The following LIPI variants were observed in gnomAD, a reference collection of about 807,000 sequenced individuals.
LIPI encodes the protein lipase I, also known as lipase member I.
In LIPI, 59 loss-of-function variants were observed where a neutral mutation model predicts 50.6. The ratio of observed to expected loss-of-function variants is 1.16; its 90% CI spans 0.94 to 1.45. The LOEUF (loss-of-function observed/expected upper bound fraction) is 1.45, where lower values mean the gene tolerates loss of function less well. Among genes scored for constraint, LIPI ranks in the 40% most tolerant of loss-of-function variants. LIPI has a pLI of 0.00. For synonymous variants in LIPI, 203 were observed against 178.2 expected (o/e 1.14, Z -1.11); for missense variants, 586 against 536.3 (o/e 1.09, Z -0.92).
chr21:14,181,104 C>T (rs2019254381), intron 4 of LIPI, among the ~76,000 whole-genome samples: 1 of 152,108 alleles, frequency 6.6e-6, no homozygotes, highest in African/African-American at 2.4e-5. Context: ...GTAGAATTCA[C>T]TAATTAATTC....
chr21:14,110,147 A>T lies in LIPI; in HGVS notation c.1296-1067T>A, dbSNP rs539459402. Among the ~76,000 whole-genome samples, 356 of 151,838 alleles carry T rather than the reference A, an allele frequency of 2.3e-3. 1 individual carries two copies. The highest frequency in any genetic ancestry group is 8.0e-3 in the African/African-American group (332 of 41,534). On this transcript the variant is annotated intron_variant, in intron 9 of 9. Transcript: ENST00000681601. ...ATAAAAAAGAAATATAGTAATAAAA[A>T]TTTTTTATGAATTCAAGTACAATCC...
intron 9 of LIPI, among the ~76,000 whole-genome samples, chr21:14,138,801 A>G (rs917875217): frequency 2.0e-5 from 3 of 152,130 alleles, no homozygotes; most frequent in African/African-American, 7.2e-5. Context: ...ATAGAAATAC[A>G]TACGTGCATT....
intron 4 of LIPI, among the ~76,000 whole-genome samples, chr21:14,178,963 G>A (rs531816755): frequency 6.6e-6 from 1 of 152,268 alleles, no homozygotes; most frequent in South Asian, 2.1e-4. Flanking sequence ...AGGCAACTCA[G>A]ATAACGAGAA....
At chr21:14,204,994 G>A (rs1459056472) in intron 1 of LIPI, among the ~76,000 whole-genome samples, 2 of 151,176 alleles carry the variant, frequency 1.3e-5, no homozygotes, top group Non-Finnish European at 3.0e-5. Context: ...TTCAATATAA[G>A]GTAGGAAAGG....
chr21:14,166,865 G>A (rs1280886558), intron 4 of LIPI, among the ~76,000 whole-genome samples: 1 of 152,202 alleles, frequency 6.6e-6, no homozygotes, highest in African/African-American at 2.4e-5. Flanking sequence ...GTGGGCGGAG[G>A]AAAGTGGGTG....
intron 3 of LIPI, among the ~76,000 whole-genome samples, chr21:14,183,598 A>G (rs1342087829): frequency 3.9e-5 from 6 of 152,224 alleles, no homozygotes; most frequent in Admixed American, 6.5e-5. Context: ...CTAATATCCA[A>G]AATCTACAAT....
chr21:14,201,682 ATC>A (rs753999480), intron 1 of LIPI, among the ~76,000 whole-genome samples: 3 of 152,304 alleles, frequency 2.0e-5, no homozygotes, highest in East Asian at 3.9e-4. Context: ...GATGGGACGT[ATC>A]TCAAAATAAT....
chr21:14,192,685 A>G (rs1300824257), intron 1 of LIPI, among the ~76,000 whole-genome samples: 1 of 152,214 alleles, frequency 6.6e-6, no homozygotes, highest in Admixed American at 6.5e-5. Flanking sequence ...GCAGGGCAGA[A>G]GGCAATGGAA....
chr21:14,120,359 G>A (rs183604764), intron 9 of LIPI, among the ~76,000 whole-genome samples: 6 of 152,234 alleles, frequency 3.9e-5, no homozygotes, highest in African/African-American at 1.4e-4. Context: ...GAAAGTCAGC[G>A]AATATCTATA....
At chr21:14,171,996 C>G (rs1386181653) in intron 4 of LIPI, among the ~76,000 whole-genome samples, 3 of 151,680 alleles carry the variant, frequency 2.0e-5, no homozygotes, top group Non-Finnish European at 4.4e-5. Flanking sequence ...CCAGAATCTA[C>G]AATGAACTCA....
At chr21:14,205,259 G>T (rs2020192805) in intron 1 of LIPI, among the ~76,000 whole-genome samples, 1 of 151,550 alleles carries the variant, frequency 6.6e-6, no homozygotes, top group African/African-American at 2.4e-5. Context: ...GAATATTTAG[G>T]ATTCAATTAA....
At chr21:14,121,961 C>T (rs763026695) in intron 9 of LIPI, among the ~76,000 whole-genome samples, 5 of 152,198 alleles carry the variant, frequency 3.3e-5, no homozygotes, top group Non-Finnish European at 5.9e-5. Flanking sequence ...CTACGCATGG[C>T]TGAAGCCTGA....
intron 1 of LIPI, among the ~76,000 whole-genome samples, chr21:14,191,035 C>A (rs8127749): frequency 6.6e-6 from 1 of 151,924 alleles, no homozygotes; most frequent in South Asian, 2.1e-4. Context: ...AAATATTTTT[C>A]ATTAGAATGC....
chr21:14,126,812 T>G (rs752971671), intron 9 of LIPI, among the ~76,000 whole-genome samples: 1 of 152,184 alleles, frequency 6.6e-6, no homozygotes, highest in Non-Finnish European at 1.5e-5. Flanking sequence ...TATGTATATG[T>G]CTGGAGAAGT....
intron 1 of LIPI, 60 bp from the exon 2 acceptor site, chr21:14,189,479 A>T: frequency 6.8e-7 from 1 of 1,469,706 alleles, no homozygotes; most frequent in South Asian, 1.2e-5. Flanking sequence ...TCCTGTTGCT[A>T]TTGCAAAGAA....
intron 2 of LIPI, among the ~76,000 whole-genome samples, chr21:14,188,279 G>A (rs1454241405): frequency 1.3e-5 from 2 of 152,160 alleles, no homozygotes; most frequent in Non-Finnish European, 2.9e-5. Flanking sequence ...GCTGACAGAA[G>A]TATGCTACTT....
intron 8 of LIPI, among the ~76,000 whole-genome samples, chr21:14,147,604 C>T (rs1474454705): frequency 2.6e-5 from 4 of 152,048 alleles, no homozygotes; most frequent in Admixed American, 2.6e-4. Context: ...AATTGTATCC[C>T]CTATTCCTAG....
intron 2 of LIPI, among the ~76,000 whole-genome samples, chr21:14,186,445 T>C (rs745711776): frequency 6.6e-6 from 1 of 152,224 alleles, no homozygotes; most frequent in Non-Finnish European, 1.5e-5. Context: ...AATTTCGTTA[T>C]GAGTTATTCA....
chr21:14,166,275 G>C, intron 5 of LIPI, 87 bp downstream of exon 5: 1 of 820,370 alleles, frequency 1.2e-6, no homozygotes, highest in Non-Finnish European at 2.1e-6. Context: ...TCAAAACACT[G>C]CCTACAGATT....
Sources: gnomAD v4.1 joint callset for allele counts (sites outside exome capture counted in the v4.1 genomes callset) on GRCh38, gnomAD v4.1.1 for gene constraint, MANE v1.5 for transcripts, NCBI Gene and HGNC (gene_info 2026-07-23, HGNC 2026-07-21) for gene names.